IFTAP: variants seen among roughly 807,000 people sequenced by gnomAD.
The protein encoded by IFTAP is intraflagellar transport associated protein, also known as intraflagellar transport-associated protein.
IFTAP carries 19 observed loss-of-function variants against 19.4 expected under a neutral mutation model. The observed-to-expected ratio is 0.98, with a 90% confidence interval of 0.68 to 1.44. The LOEUF (loss-of-function observed/expected upper bound fraction) is 1.44, where lower values mean the gene tolerates loss of function less well. Ranked by LOEUF, IFTAP falls within the 40% of genes most tolerant of loss-of-function variation. The pLI, the probability that IFTAP is intolerant of heterozygous loss-of-function variation, is 0.00. For missense variants in IFTAP, 240 were observed against 253.6 expected (o/e 0.95, Z 0.36); for synonymous variants, 85 against 83.5 (o/e 1.02, Z -0.10).
chr11:36,618,638 G>T (rs1479266291), intron 2 of IFTAP, among the ~76,000 whole-genome samples: 1 of 151,988 alleles, frequency 6.6e-6, no homozygotes. Flanking sequence ...AGGGCCTTAG[G>T]TACAAGCCTG....
intron 4 of IFTAP, among the ~76,000 whole-genome samples, chr11:36,646,750 C>T (rs113088515): frequency 3.7e-4 from 56 of 152,214 alleles, no homozygotes; most frequent in African/African-American, 1.2e-3. Context: ...TCTCTTAGCT[C>T]ATTGTCTGTA....
chr11:36,644,318 A>G (rs1335744860), intron 4 of IFTAP, among the ~76,000 whole-genome samples: 5 of 152,194 alleles, frequency 3.3e-5, no homozygotes, highest in Admixed American at 6.5e-5. Flanking sequence ...CACACCAGTT[A>G]GAATGGTGAT....
chr11:36,594,917 T>C (rs1030404618), intron 1 of IFTAP: 5 of 152,160 alleles, frequency 3.3e-5, no homozygotes, highest in African/African-American at 9.7e-5. Context: ...ACCCTGGAGG[T>C]GCTTGGGGCG....
chr11:36,616,064 T>C (rs1852073896), intron 2 of IFTAP, among the ~76,000 whole-genome samples: 1 of 151,978 alleles, frequency 6.6e-6, no homozygotes, highest in Non-Finnish European at 1.5e-5. Flanking sequence ...GCCAATGACT[T>C]AGAAATTGAC....
At chr11:36,599,272 G>A (rs576945360) in intron 1 of IFTAP, among the ~76,000 whole-genome samples, 1 of 152,338 alleles carries the variant, frequency 6.6e-6, no homozygotes, top group African/African-American at 2.4e-5. Flanking sequence ...GGGATTACAG[G>A]AGTGAGCCAC....
intron 1 of IFTAP, among the ~76,000 whole-genome samples, chr11:36,607,185 G>A (rs1376169995): frequency 6.6e-6 from 1 of 152,142 alleles, no homozygotes; most frequent in African/African-American, 2.4e-5. Context: ...AGTTGAGTGG[G>A]CACAGTTATA....
In IFTAP at chr11:36,611,558, T is replaced by C. The variant is rs572174786; in HGVS notation, c.136+1319T>C. On this transcript the variant is annotated intron_variant, in intron 2 of 5. Transcript: ENST00000334307. ...AGTAGTTATAAGGAAATTATAGTTATAATGTATAAATGTAAAAGAAAAGTA... is the reference window on the plus strand; with the variant it reads ...AGTAGTTATAAGGAAATTATAGTTACAATGTATAAATGTAAAAGAAAAGTA... 4.1e-4 allele frequency among the ~76,000 whole-genome samples: 62 copies of C among 152,230 alleles called. 1 individual carries two copies. The highest frequency in any genetic ancestry group is 5.9e-4 in the Admixed American group (9 of 15,266).
chr11:36,653,522 T>C (rs1853834421), intron 5 of IFTAP, among the ~76,000 whole-genome samples: 1 of 152,188 alleles, frequency 6.6e-6, no homozygotes. Flanking sequence ...TCTAAAAACC[T>C]TGGCATCTTA....
At chr11:36,635,651 A>AGCCACC (rs1433992287) in intron 3 of IFTAP, among the ~76,000 whole-genome samples, 1 of 152,164 alleles carries the variant, frequency 6.6e-6, no homozygotes, top group East Asian at 1.9e-4. Context: ...CAGTAGCCAG[A>AGCCACC]GCCACCGCCA....
intron 4 of IFTAP, among the ~76,000 whole-genome samples, chr11:36,638,291 A>T (rs1197825522): frequency 1.3e-5 from 2 of 152,206 alleles, no homozygotes; most frequent in Non-Finnish European, 2.9e-5. Flanking sequence ...TTCAATTACC[A>T]GATTTATTTT....
intron 2 of IFTAP, among the ~76,000 whole-genome samples, chr11:36,627,660 T>C (rs1383168670): frequency 6.6e-6 from 1 of 151,274 alleles, no homozygotes; most frequent in Non-Finnish European, 1.5e-5. Flanking sequence ...TAGGAGGCTA[T>C]GCTCAAATAT....
chr11:36,651,147 G>A (rs569421495), intron 5 of IFTAP, among the ~76,000 whole-genome samples: 3 of 152,294 alleles, frequency 2.0e-5, no homozygotes, highest in East Asian at 1.9e-4. Context: ...TTCCACAATG[G>A]TTGAACTAGT....
chr11:36,612,317 T>A (rs540963866), intron 2 of IFTAP, among the ~76,000 whole-genome samples: 2 of 151,948 alleles, frequency 1.3e-5, no homozygotes, highest in Non-Finnish European at 2.9e-5. Flanking sequence ...TAGGCACCAG[T>A]GCACATTATA....
At chr11:36,595,556 AT>A (rs1207055125) in intron 1 of IFTAP, among the ~76,000 whole-genome samples, 1 of 152,242 alleles carries the variant, frequency 6.6e-6, no homozygotes, top group Non-Finnish European at 1.5e-5. Flanking sequence ...TGGACTCTGA[AT>A]GCTTACTGGC....
chr11:36,620,077 CGA>C (rs1852239582), intron 2 of IFTAP, among the ~76,000 whole-genome samples: 1 of 151,744 alleles, frequency 6.6e-6, no homozygotes, highest in Non-Finnish European at 1.5e-5. Context: ...CCCAAGGGAG[CGA>C]GTAAGGAAGC....
intron 1 of IFTAP, among the ~76,000 whole-genome samples, chr11:36,595,876 C>T (rs1851205861): frequency 6.6e-6 from 1 of 152,182 alleles, no homozygotes; most frequent in Admixed American, 6.5e-5. Flanking sequence ...GGAATCAGGT[C>T]AGTGGGTATA....
At chr11:36,607,635 T>G (rs1024962244) in intron 1 of IFTAP, among the ~76,000 whole-genome samples, 1 of 151,938 alleles carries the variant, frequency 6.6e-6, no homozygotes, top group Non-Finnish European at 1.5e-5. Flanking sequence ...GGAATTGAGG[T>G]TAAGGAAATA....
At chr11:36,647,695 C>T (rs1853543850) in intron 4 of IFTAP, among the ~76,000 whole-genome samples, 1 of 152,044 alleles carries the variant, frequency 6.6e-6, no homozygotes, top group South Asian at 2.1e-4. Flanking sequence ...CATCTTATCA[C>T]CTTATTTTCA....
chr11:36,607,962 G>T, intron 1 of IFTAP, among the ~76,000 whole-genome samples: 1 of 152,076 alleles, frequency 6.6e-6, no homozygotes, highest in Non-Finnish European at 1.5e-5. Context: ...CCTTTTTATA[G>T]ATACGGGGAA....
Sources: allele counts gnomAD v4.1 joint callset (sites outside exome capture counted in the v4.1 genomes callset), GRCh38; gene constraint gnomAD v4.1.1; transcripts MANE v1.5; gene names NCBI Gene and HGNC (gene_info 2026-07-23, HGNC 2026-07-21).